KCNIP4: variants seen among roughly 807,000 people sequenced by gnomAD.
KCNIP4 encodes Kv channel-interacting protein 4.
In KCNIP4, 12 loss-of-function variants were observed where a neutral mutation model predicts 34.0. The observed-to-expected ratio is 0.35, with a 90% CI of 0.23 to 0.57. The LOEUF (loss-of-function observed/expected upper bound fraction) is 0.57. Among genes scored for constraint, KCNIP4 ranks in the 20% least tolerant of loss-of-function variants. KCNIP4 has a pLI of 0.83. For missense variants in KCNIP4, 238 were observed against 311.7 expected, an observed-to-expected ratio of 0.76 and a Z score of 1.78; for synonymous variants, 124 against 102.2, an observed-to-expected ratio of 1.21 and a Z score of -1.29.
chr4:21,011,201 A>T (rs1038987607), intron 1 of KCNIP4, among the ~76,000 whole-genome samples: 1 of 152,206 alleles, frequency 6.6e-6, no homozygotes, highest in African/African-American at 2.4e-5. Context: ...GCCCCACAAC[A>T]TGATTCTTAC....
intron 1 of KCNIP4, among the ~76,000 whole-genome samples, chr4:21,623,452 A>T (rs559663757): frequency 6.6e-6 from 1 of 152,336 alleles, no homozygotes; most frequent in South Asian, 2.1e-4. Context: ...AGAACTCAAC[A>T]AATATTGAAT....
chr4:21,194,883 T>C (rs1397448545), intron 1 of KCNIP4, among the ~76,000 whole-genome samples: 1 of 152,210 alleles, frequency 6.6e-6, no homozygotes, highest in Non-Finnish European at 1.5e-5. Flanking sequence ...TCAAGGTTTA[T>C]TTGTTAGAGC....
intron 1 of KCNIP4, among the ~76,000 whole-genome samples, chr4:21,429,365 CCA>C (rs1335095614): frequency 1.4e-5 from 2 of 147,742 alleles, no homozygotes; most frequent in Admixed American, 6.8e-5. Flanking sequence ...CCTGGATGCA[CCA>C]CAGTTTATCC....
intron 1 of KCNIP4, among the ~76,000 whole-genome samples, chr4:21,242,329 A>G (rs1027012693): frequency 5.9e-5 from 9 of 152,140 alleles, no homozygotes; most frequent in Admixed American, 1.3e-4. Context: ...AATCTTTGCT[A>G]TCTGTAAACA....
chr4:21,396,563 AAAAAAG>A (rs1312559455), intron 1 of KCNIP4, among the ~76,000 whole-genome samples: 1 of 150,818 alleles, frequency 6.6e-6, no homozygotes, highest in Non-Finnish European at 1.5e-5. Context: ...AAAAAAAAAA[AAAAAAG>A]AGGATTCTGA....
rs1025422169 is a variant in KCNIP4 at position 20,803,770 on chromosome 4, G to T, written c.289-44880C>A. On this transcript the variant is annotated intron_variant, in intron 3 of 8. Transcript: ENST00000382152. ...GGAAGGAAGGAAAGAAGGAAGGAAG[G>T]ACGGAAAATAGAGAACAGAAAAACC... Among the ~76,000 whole-genome samples the T allele has an allele frequency of 3.1e-4, 44 of 142,904 alleles. 1 individual carries two copies. The highest frequency in any genetic ancestry group is 3.1e-3 in the Admixed American group (44 of 14,294). 93.8% of individuals were successfully genotyped at this position (142,904 alleles called of 152,430 possible). A position where few individuals can be genotyped will look rare whatever the true frequency, so the allele number is the denominator to read the frequency against.
At chr4:21,193,571 A>ATTTTTTTTTTTTT (rs71655619) in intron 1 of KCNIP4, among the ~76,000 whole-genome samples, 2 of 119,234 alleles carry the variant, frequency 1.7e-5, no homozygotes, top group African/African-American at 3.6e-5. Flanking sequence ...GCAATTTTAA[A>ATTTTTTTTTTTTT]TTTTTTTTTT....
rs184037203 is a variant in KCNIP4 at position 20,925,939 on chromosome 4, T to A, written c.62-43230A>T. On this transcript the variant is annotated intron_variant, in intron 1 of 8. Transcript: ENST00000382152. ...AAATTGTTACAACACCTTGAAATGTTGTTCCTGATAAAAGCTCATTAGAGA... is the reference window on the plus strand; with the variant it reads ...AAATTGTTACAACACCTTGAAATGTAGTTCCTGATAAAAGCTCATTAGAGA... Among the ~76,000 whole-genome samples the A allele has an allele frequency of 2.0e-3, 306 of 152,296 alleles. 1 individual carries two copies. The highest frequency in any genetic ancestry group is 7.1e-3 in the African/African-American group (296 of 41,584).
chr4:21,526,316 T>C (rs1265474880), intron 1 of KCNIP4, among the ~76,000 whole-genome samples: 1 of 152,110 alleles, frequency 6.6e-6, no homozygotes, highest in Non-Finnish European at 1.5e-5. Flanking sequence ...TGCTCCCTCT[T>C]GCCTGCCGCC....
intron 1 of KCNIP4, among the ~76,000 whole-genome samples, chr4:20,986,703 A>C (rs1036220453): frequency 2.0e-5 from 3 of 152,100 alleles, no homozygotes; most frequent in African/African-American, 7.2e-5. Context: ...TTGCCAATTG[A>C]TCTCTTAGTT....
At chr4:20,974,981 G>A (rs1332271795) in intron 1 of KCNIP4, among the ~76,000 whole-genome samples, 1 of 152,164 alleles carries the variant, frequency 6.6e-6, no homozygotes, top group Non-Finnish European at 1.5e-5. Context: ...ACTGTGCTAA[G>A]GAGAATTTTA....
rs140086968 is a variant in KCNIP4 at position 21,195,175 on chromosome 4, G to C, written c.62-312466C>G. ...CCCTCAAGGTCATTGATGAGGTACAGATGCCAGTCACTTCAGGAGCTGTGG... is the reference window on the plus strand; with the variant it reads ...CCCTCAAGGTCATTGATGAGGTACACATGCCAGTCACTTCAGGAGCTGTGG... On this transcript the variant is annotated intron_variant, in intron 1 of 8. Coordinates refer to ENST00000382152, the MANE Select transcript of KCNIP4 (RefSeq NM_025221.6). Among the ~76,000 whole-genome samples the C allele has an allele frequency of 8.9e-4, 135 of 152,330 alleles. 1 individual carries two copies. Among genetic ancestry groups the C allele is most frequent in the African/African-American group, 3.1e-3 (130 of 41,576 alleles).
At chr4:20,936,995 G>T (rs926796696) in intron 1 of KCNIP4, among the ~76,000 whole-genome samples, 38 of 151,992 alleles carry the variant, frequency 2.5e-4, no homozygotes, top group African/African-American at 8.7e-4. Flanking sequence ...AAGGAAAAAA[G>T]CGTAACGTTC....
At chr4:21,148,846 T>C (rs17506108) in intron 1 of KCNIP4, among the ~76,000 whole-genome samples, 13,525 of 152,264 alleles carry the variant, frequency 0.089, 760 homozygotes, top group East Asian at 0.2. Flanking sequence ...TCAATCTGTT[T>C]TGATGAACAC....
At chr4:20,840,556 T>C (rs1311452421) in intron 3 of KCNIP4, among the ~76,000 whole-genome samples, 1 of 152,110 alleles carries the variant, frequency 6.6e-6, no homozygotes, top group Non-Finnish European at 1.5e-5. Context: ...CACACCATCC[T>C]TCTGCTCTCA....
chr4:21,356,614 G>C (rs981376584), intron 1 of KCNIP4, among the ~76,000 whole-genome samples: 1 of 152,142 alleles, frequency 6.6e-6, no homozygotes, highest in Non-Finnish European at 1.5e-5. Context: ...TGCAAGGGAT[G>C]TGAAGGACCT....
intron 1 of KCNIP4, among the ~76,000 whole-genome samples, chr4:21,102,091 G>A (rs894092230): frequency 2.6e-5 from 4 of 152,190 alleles, no homozygotes; most frequent in African/African-American, 9.7e-5. Context: ...GAATTAGGAA[G>A]CATCTCCAGA....
At chr4:21,283,331 C>T (rs1033651516) in intron 1 of KCNIP4, among the ~76,000 whole-genome samples, 2 of 151,850 alleles carry the variant, frequency 1.3e-5, no homozygotes, top group African/African-American at 2.4e-5. Flanking sequence ...ATACATTTTT[C>T]CTTCATAAAA....
chr4:21,484,368 AG>A (rs1387779590), intron 1 of KCNIP4, among the ~76,000 whole-genome samples: 1 of 152,068 alleles, frequency 6.6e-6, no homozygotes. Context: ...TGGAGGTTGC[AG>A]TGAGGCGAGA....
Sources: allele counts gnomAD v4.1 joint callset (sites outside exome capture counted in the v4.1 genomes callset), GRCh38; gene constraint gnomAD v4.1.1; transcripts MANE v1.5; gene names NCBI Gene and HGNC (gene_info 2026-07-23, HGNC 2026-07-21).